Variants in HECTD4 observed in about 807,000 individuals in gnomAD.
The protein encoded by HECTD4 is HECT domain E3 ubiquitin protein ligase 4.
A neutral mutation model predicts 471.5 loss-of-function variants in HECTD4; 114 were observed. The observed-to-expected ratio is 0.24, with a 90% CI of 0.21 to 0.28. The LOEUF is 0.28. Ranked by LOEUF, HECTD4 falls within the 10% of genes least tolerant of loss-of-function variation. The probability of loss-of-function intolerance (pLI) is 1.00; values close to 1 mark genes in which losing one functional copy is unlikely to be tolerated. For missense variants in HECTD4, 3,866 were observed against 5,651.5 expected, an observed-to-expected ratio of 0.68 and a Z score of 10.13; for synonymous variants, 2,012 against 2,256.0, an observed-to-expected ratio of 0.89 and a Z score of 3.07.
intron 52 of HECTD4, among the ~76,000 whole-genome samples, chr12:112,205,718 G>T (rs2032558425): frequency 6.6e-6 from 1 of 151,722 alleles, no homozygotes; most frequent in Non-Finnish European, 1.5e-5. Flanking sequence ...AGCCTCTCAA[G>T]TAGTTGGGAT....
At chr12:112,236,189 G>T (rs2033499241) in intron 35 of HECTD4, among the ~76,000 whole-genome samples, 1 of 152,186 alleles carries the variant, frequency 6.6e-6, no homozygotes, top group Non-Finnish European at 1.5e-5. Flanking sequence ...AATTTCCCAT[G>T]AGTTACAGAA....
chr12:112,360,182 A>G (rs1276497756), intron 1 of HECTD4, among the ~76,000 whole-genome samples: 1 of 152,180 alleles, frequency 6.6e-6, no homozygotes, highest in Non-Finnish European at 1.5e-5. Flanking sequence ...AGTCAGGGGC[A>G]GTAGCATGCA....
At chr12:112,169,819 C>T in intron 69 of HECTD4, 161 bp from the exon 70 acceptor site, 2 of 793,922 alleles carry the variant, frequency 2.5e-6, no homozygotes, top group Non-Finnish European at 4.2e-6. Flanking sequence ...ACCTTAGAGC[C>T]TTCTGTGCCT....
chr12:112,271,128 A>C (rs574143529), intron 11 of HECTD4, among the ~76,000 whole-genome samples: 1 of 152,306 alleles, frequency 6.6e-6, no homozygotes, highest in Non-Finnish European at 1.5e-5. Flanking sequence ...AAACTCGCCC[A>C]CTCTAAATGC....
intron 38 of HECTD4, among the ~76,000 whole-genome samples, chr12:112,232,475 T>C (rs559944753): frequency 6.6e-6 from 1 of 152,322 alleles, no homozygotes; most frequent in Admixed American, 6.5e-5. Flanking sequence ...ACACCCTGTG[T>C]GTCTCTCCCT....
intron 12 of HECTD4, 85 bp from the exon 13 acceptor site, chr12:112,269,934 T>A: frequency 3.4e-6 from 4 of 1,182,742 alleles, no homozygotes; most frequent in East Asian, 2.4e-5. Context: ...ATGGTAGATA[T>A]CCTATGAACA....
Position 112,324,021 on chromosome 12 carries a change from C to T in HECTD4, c.178-4279G>A, listed in dbSNP as rs867455257. On this transcript the variant is annotated intron_variant, in intron 1 of 75. Transcript: ENST00000682272. ...TCCTTCCTTCCTTCCTTCCTTCCTT[C>T]CTTCCTTCCTTCCTTCCTTCCTTCC... 2.2e-3 allele frequency among the ~76,000 whole-genome samples: 72 copies of T among 33,184 alleles called. 8 individuals carry two copies. The highest frequency in any genetic ancestry group is 0.018 in the African/African-American group (52 of 2,892). 21.8% of individuals were successfully genotyped at this position (33,184 alleles called of 152,430 possible). A position where few individuals can be genotyped will look rare whatever the true frequency, so the allele number is the denominator to read the frequency against.
Position 112,219,497 on chromosome 12 carries a change from G to T in HECTD4, c.6971-8C>A. 1 of 1,604,004 alleles carries T rather than the reference G, an allele frequency of 6.2e-7. No homozygotes were observed. The highest frequency in any genetic ancestry group is 8.5e-7 in the Non-Finnish European group (1 of 1,172,248). ...CAACTGCAAGTCGCTCTCCTGTAGA[G>T]GGCACATGTTGAATCTGTGAAAACA... On this transcript the variant is annotated splice_polypyrimidine_tract_variant and splice_region_variant and intron_variant, in intron 44 of 75. Coordinates refer to ENST00000682272, the MANE Select transcript of HECTD4 (RefSeq NM_001388303.1).
intron 45 of HECTD4, among the ~76,000 whole-genome samples, chr12:112,217,792 A>C (rs1341367675): frequency 1.3e-5 from 2 of 152,220 alleles, no homozygotes; most frequent in Non-Finnish European, 2.9e-5. Context: ...GTAGTTACTG[A>C]ACAAATTTTA....
chr12:112,202,062 T>C (rs1173145521), intron 54 of HECTD4, among the ~76,000 whole-genome samples: 1 of 152,186 alleles, frequency 6.6e-6, no homozygotes. Context: ...AGTCAGAAGT[T>C]TGCATCAGAA....
chr12:112,295,708 T>G (rs1189535625), intron 7 of HECTD4, among the ~76,000 whole-genome samples: 2 of 151,124 alleles, frequency 1.3e-5, no homozygotes, highest in East Asian at 3.9e-4. Flanking sequence ...GTGGTGTGAT[T>G]GTACTTCTCT....
chr12:112,200,552 G>C, intron 55 of HECTD4, 86 bp downstream of exon 55: 1 of 1,373,556 alleles, frequency 7.3e-7, no homozygotes, highest in African/African-American at 1.4e-5. Flanking sequence ...AAACTTTCTT[G>C]CTGAGGATAA....
chr12:112,324,033 C>CTTTCTTT (rs1566112010), intron 1 of HECTD4, among the ~76,000 whole-genome samples: 3 of 23,742 alleles, frequency 1.3e-4, no homozygotes, highest in African/African-American at 7.8e-4. Context: ...TTCCTTCCTT[C>CTTTCTTT]CTTCCTTCCT....
At chr12:112,266,781 C>G in intron 14 of HECTD4, 131 bp downstream of exon 14, 2 of 666,250 alleles carry the variant, frequency 3.0e-6, no homozygotes, top group Non-Finnish European at 5.4e-6. Flanking sequence ...CGTGCCTGGC[C>G]TGCAGATACA....
rs1249544718 is a variant in HECTD4 at position 112,185,363 on chromosome 12, G to A, written c.9603C>T (p.Ile3201=). 4 of 1,608,226 alleles carry A rather than the reference G, an allele frequency of 2.5e-6. No individual in the cohort carries two copies. The highest frequency in any genetic ancestry group is 2.7e-5 in the African/African-American group (2 of 74,822). The change falls in exon 61 of 76, where the codon ATC becomes ATT. Residue 3201 remains isoleucine, a synonymous_variant. Transcript: ENST00000682272. ...RRHPAGLSSS[I]ALQLNPCLAM... ...CCAGGCAGGGGTTCAGCTGGAGGGCGATTGAGGAGGACAGGCCAGCGGGGT... is the reference window on the plus strand; with the variant it reads ...CCAGGCAGGGGTTCAGCTGGAGGGCAATTGAGGAGGACAGGCCAGCGGGGT...
rs1225310117 is a variant in HECTD4, at chr12:112,178,968, G to A, written c.11326C>T (p.Pro3776Ser). The A allele has an allele frequency of 6.2e-7, 1 of 1,612,726 alleles. No individual in the cohort carries two copies. Among genetic ancestry groups the A allele is most frequent in the Non-Finnish European group, 8.5e-7 (1 of 1,179,658 alleles). ...AGCACAGCCTTGTCCTTGGCGGGCGGCTTGGTGATAGGCCGCTTGGTGCTC... is the reference window on the plus strand; with the variant it reads ...AGCACAGCCTTGTCCTTGGCGGGCGACTTGGTGATAGGCCGCTTGGTGCTC... ...VVSTKRPITK[P>S]PAKDKAVLNS... The change falls in exon 64 of 76, where the codon CCG (proline) becomes TCG (serine). Residue 3776 changes from proline to serine, a missense_variant. By Grantham distance (74) the Pro-to-Ser change is moderately conservative. This residue lies in a region of HECTD4 where 715 missense variants were observed against 1,087.6 expected (regional missense o/e 0.66). Coordinates refer to ENST00000682272, the MANE Select transcript of HECTD4 (RefSeq NM_001388303.1).
chr12:112,167,267 C>T (rs61941326), intron 72 of HECTD4, 50 bp downstream of exon 72: 72,994 of 1,514,562 alleles, frequency 0.048, 2,155 homozygotes, highest in South Asian at 0.075. Context: ...AGCAAGGTGG[C>T]GGGGAGGCCC....
chr12:112,371,689 C>T (rs936250193), intron 1 of HECTD4, among the ~76,000 whole-genome samples: 11 of 151,846 alleles, frequency 7.2e-5, no homozygotes, highest in Non-Finnish European at 1.5e-4. Context: ...GAGTTCGAGA[C>T]CAGCCTGACC....
chr12:112,334,117 G>A (rs1017009645), intron 1 of HECTD4, among the ~76,000 whole-genome samples: 1 of 152,012 alleles, frequency 6.6e-6, no homozygotes, highest in East Asian at 1.9e-4. Flanking sequence ...GCTGAGGCAG[G>A]AGAATCGCTT....
Sources: gnomAD v4.1 joint callset for allele counts (sites outside exome capture counted in the v4.1 genomes callset) on GRCh38, gnomAD v4.1.1 for gene constraint, gnomAD v4.1.1 regional missense constraint, MANE v1.5 for transcripts, NCBI Gene and HGNC (gene_info 2026-07-23, HGNC 2026-07-21) for gene names.